Variants in PCSK5 observed in about 807,000 individuals in gnomAD.
The protein encoded by PCSK5 is proprotein convertase subtilisin/kexin type 5, also known as prohormone convertase 5.
In PCSK5, 129 loss-of-function variants were observed where a neutral mutation model predicts 233.2. That is an observed-to-expected ratio of 0.55 (90% CI 0.48 to 0.64). The LOEUF is 0.64. Ranked by LOEUF, PCSK5 falls within the 30% of genes least tolerant of loss-of-function variation. The pLI is 0.00. For missense variants in PCSK5, 2,076 were observed against 2,430.1 expected, an observed-to-expected ratio of 0.85 and a Z score of 3.06; for synonymous variants, 825 against 879.2, an observed-to-expected ratio of 0.94 and a Z score of 1.09.
At chr9:75,934,532 G>A (rs1019865841) in intron 2 of PCSK5, among the ~76,000 whole-genome samples, 1 of 151,886 alleles carries the variant, frequency 6.6e-6, no homozygotes. Context: ...TCAGTGTTGG[G>A]GGTTGGGGGA....
intron 5 of PCSK5, among the ~76,000 whole-genome samples, chr9:76,028,322 A>C (rs1828513457): frequency 1.3e-5 from 2 of 152,228 alleles, no homozygotes; most frequent in Admixed American, 1.3e-4. Flanking sequence ...GCAATGGAGA[A>C]AGAGTAATTC....
rs550842839 is a variant in PCSK5, at chr9:76,328,195, C to T, written c.4526C>T (p.Ala1509Val). Residue 1509 changes from alanine (A) to valine (V), a missense_variant, in exon 33 of 38, where the codon GCG becomes GTG. Ala to Val is a moderately conservative substitution (Grantham distance 64). This residue lies in a region of PCSK5 where 1,510 missense variants were observed against 1,538.1 expected (regional missense o/e 0.98). Coordinates refer to ENST00000674117, the MANE Select transcript of PCSK5 (RefSeq NM_001372043.1). The stretch of plus-strand genomic sequence containing the variant: ...AAGTGCTTCCACTGCATGGGGCCGG[C>T]GGAGGACCAGTGTCAAACATGCCCC... ...HVKCFHCMGPAEDQCQTCPMN... is the reference protein window; with the variant it reads ...HVKCFHCMGPVEDQCQTCPMN... The T allele has an allele frequency of 7.4e-5, 119 of 1,612,774 alleles. 1 individual carries two copies. Among genetic ancestry groups the T allele is most frequent in the South Asian group, 4.9e-4 (45 of 91,070 alleles).
At chr9:76,215,615 G>A (rs1350738168) in intron 20 of PCSK5, among the ~76,000 whole-genome samples, 11 of 152,078 alleles carry the variant, frequency 7.2e-5, no homozygotes, top group African/African-American at 2.7e-4. Context: ...TGCTTGGGGT[G>A]GGCTTGATAA....
chr9:75,935,644 T>G (rs559409784), intron 2 of PCSK5, among the ~76,000 whole-genome samples: 1 of 152,310 alleles, frequency 6.6e-6, no homozygotes, highest in South Asian at 2.1e-4. Flanking sequence ...CCGAGTCCTC[T>G]TTACTCTGTC....
At chr9:75,901,714 T>A (rs1285921905) in intron 1 of PCSK5, among the ~76,000 whole-genome samples, 1 of 152,078 alleles carries the variant, frequency 6.6e-6, no homozygotes, top group African/African-American at 2.4e-5. Flanking sequence ...TACTTCAGTA[T>A]TTTGGAACAC....
chr9:76,064,458 G>A (rs1483439280), intron 5 of PCSK5, among the ~76,000 whole-genome samples: 2 of 139,394 alleles, frequency 1.4e-5, no homozygotes, highest in South Asian at 2.4e-4. Flanking sequence ...GGGCGGGGGG[G>A]CTGACCCCCC....
At position 76,163,859 on chromosome 9, in the gene PCSK5, C is replaced by CTTTTTTTTTTTT. The variant is rs67386134; in HGVS notation, c.1619+4697_1619+4708dup. Among the ~76,000 whole-genome samples, 7 of 97,900 alleles carry CTTTTTTTTTTTT rather than the reference C, an allele frequency of 7.2e-5. No individual in the cohort carries two copies. In the East Asian group the frequency reaches 9.3e-4, roughly 13 times the overall value. 64.2% of individuals were successfully genotyped at this position (97,900 alleles called of 152,430 possible). On this transcript the variant is annotated intron_variant, in intron 12 of 37. Coordinates refer to ENST00000674117, the MANE Select transcript of PCSK5 (RefSeq NM_001372043.1). ...ATCTGTTAGAATTATAAAAAGCTGT[C>CTTTTTTTTTTTT]TTTTTTTTTTTTTTTTTTTTCCTGA...
At chr9:76,331,665 T>C (rs1417585661) in intron 33 of PCSK5, among the ~76,000 whole-genome samples, 2 of 106,852 alleles carry the variant, frequency 1.9e-5, no homozygotes, top group Non-Finnish European at 2.0e-5. Context: ...AGACTCCATC[T>C]CAAAAAAAAA....
At chr9:76,258,256 C>T (rs1478633199) in intron 24 of PCSK5, among the ~76,000 whole-genome samples, 1 of 152,130 alleles carries the variant, frequency 6.6e-6, no homozygotes, top group African/African-American at 2.4e-5. Context: ...GAATTTTATG[C>T]CCTCAAATAA....
At chr9:76,140,594 G>A (rs968323866) in intron 10 of PCSK5, among the ~76,000 whole-genome samples, 4 of 152,026 alleles carry the variant, frequency 2.6e-5, no homozygotes, top group African/African-American at 9.7e-5. Context: ...GAGTGGGCTA[G>A]AGAAAATATA....
At chr9:76,218,015 G>A (rs535272074) in intron 20 of PCSK5, among the ~76,000 whole-genome samples, 1 of 152,256 alleles carries the variant, frequency 6.6e-6, no homozygotes, top group South Asian at 2.1e-4. Context: ...TGCCAAGTAG[G>A]GGAGCCCCCA....
At position 76,082,840 on chromosome 9, in the gene PCSK5, C is replaced by T. The variant is rs183608075; in HGVS notation, c.894+10942C>T. 2.4e-3 allele frequency among the ~76,000 whole-genome samples: 359 copies of T among 152,082 alleles called. 3 individuals are homozygous for T. The highest frequency in any genetic ancestry group is 8.0e-3 in the African/African-American group (331 of 41,492). On this transcript the variant is annotated intron_variant, in intron 7 of 37. Transcript: ENST00000674117. ...CATTTTTTAGAAAAAGAGAAAAAAA[C>T]TTGAAATGGTATCTTTTTCATAGTC...
At chr9:76,162,936 C>T (rs1319744137) in intron 12 of PCSK5, among the ~76,000 whole-genome samples, 4 of 152,206 alleles carry the variant, frequency 2.6e-5, no homozygotes, top group Non-Finnish European at 5.9e-5. Flanking sequence ...CCATGGCTTA[C>T]TCACAGCAGG....
At chr9:76,076,205 A>G (rs1830640213) in intron 7 of PCSK5, among the ~76,000 whole-genome samples, 1 of 152,134 alleles carries the variant, frequency 6.6e-6, no homozygotes, top group Admixed American at 6.5e-5. Context: ...CCAGAACACA[A>G]TACTAATGTA....
chr9:76,250,143 A>G (rs746616394), intron 24 of PCSK5, among the ~76,000 whole-genome samples: 2 of 152,132 alleles, frequency 1.3e-5, no homozygotes, highest in Non-Finnish European at 1.5e-5. Flanking sequence ...TGTCTCTAAA[A>G]ATACAAAAAT....
rs1182507599 is a variant in PCSK5 at position 76,184,681 on chromosome 9, C to A, written c.2206C>A (p.Leu736Ile). ...TCTCTTTTTTTTAACAGAGAAAAAT[C>A]TTTGCCGGAAATGCAGTGAAAACTG... ...DGSYQDTKKN[L>I]CRKCSENCKT... is the part of the protein sequence containing the mutation. The change falls in exon 17 of 38, where the codon CTT becomes ATT. Residue 736 changes from leucine to isoleucine, a missense_variant. Leu to Ile is a conservative substitution (Grantham distance 5). Coordinates refer to ENST00000674117, the MANE Select transcript of PCSK5 (RefSeq NM_001372043.1). The A allele has an allele frequency of 1.2e-6, 2 of 1,605,724 alleles. No homozygotes were observed. The highest frequency in any genetic ancestry group is 2.2e-5 in the South Asian group (2 of 90,418).
chr9:76,207,896 G>C (rs1423080867), intron 20 of PCSK5, among the ~76,000 whole-genome samples: 1 of 152,118 alleles, frequency 6.6e-6, no homozygotes, highest in Non-Finnish European at 1.5e-5. Context: ...ATAAAAAATA[G>C]GACTTTATTT....
At chr9:76,190,138 G>C (rs1824300843) in intron 20 of PCSK5, among the ~76,000 whole-genome samples, 1 of 152,072 alleles carries the variant, frequency 6.6e-6, no homozygotes, top group Non-Finnish European at 1.5e-5. Context: ...TGTTACAGTT[G>C]ATAAACCTAC....
intron 5 of PCSK5, among the ~76,000 whole-genome samples, chr9:76,037,479 CA>C (rs1196317927): frequency 4.7e-4 from 72 of 152,194 alleles, no homozygotes; most frequent in African/African-American, 1.6e-3. Flanking sequence ...TTACAGGTGA[CA>C]GTAAGTAAAG....
Sources: gnomAD v4.1 joint callset for allele counts (sites outside exome capture counted in the v4.1 genomes callset) on GRCh38, gnomAD v4.1.1 for gene constraint, gnomAD v4.1.1 regional missense constraint, MANE v1.5 for transcripts, NCBI Gene and HGNC (gene_info 2026-07-23, HGNC 2026-07-21) for gene names.